ME1: variants seen among roughly 807,000 people sequenced by gnomAD.
ME1 encodes NADP-dependent malic enzyme.
ME1 carries 74 observed loss-of-function variants against 66.4 expected under a neutral mutation model. The ratio of observed to expected loss-of-function variants is 1.11; its 90% CI spans 0.92 to 1.35. The LOEUF is 1.35. Among genes scored for constraint, ME1 ranks in the 40% most tolerant of loss-of-function variants. The probability of loss-of-function intolerance (pLI) is 0.00; values close to 1 mark genes in which losing one functional copy is unlikely to be tolerated. For missense variants in ME1, 750 were observed against 694.1 expected, an observed-to-expected ratio of 1.08 and a Z score of -0.90; for synonymous variants, 251 against 235.6, an observed-to-expected ratio of 1.07 and a Z score of -0.60.
chr6:83,321,663 A>G (rs1768178233), intron 5 of ME1, among the ~76,000 whole-genome samples: 1 of 152,190 alleles, frequency 6.6e-6, no homozygotes, highest in Non-Finnish European at 1.5e-5. Flanking sequence ...AGGGTCTTAT[A>G]GATAAAACTC....
At chr6:83,417,135 G>A (rs573344428) in intron 1 of ME1, among the ~76,000 whole-genome samples, 22 of 152,096 alleles carry the variant, frequency 1.4e-4, no homozygotes, top group South Asian at 2.1e-4. Flanking sequence ...CTGCAGCCTC[G>A]AATTCCTGGG....
At chr6:83,260,415 G>T (rs778218998) in intron 6 of ME1, among the ~76,000 whole-genome samples, 19 of 152,020 alleles carry the variant, frequency 1.2e-4, no homozygotes, top group Non-Finnish European at 2.2e-4. Flanking sequence ...TTATTTTGTT[G>T]TTGTTTTTAA....
intron 5 of ME1, among the ~76,000 whole-genome samples, chr6:83,342,733 G>C (rs2128543318): frequency 6.6e-6 from 1 of 152,128 alleles, no homozygotes; most frequent in Admixed American, 6.5e-5. Flanking sequence ...TGTTGCCCAG[G>C]CTGGAGTGCA....
intron 1 of ME1, among the ~76,000 whole-genome samples, chr6:83,415,034 G>T (rs1770131909): frequency 6.6e-6 from 1 of 152,030 alleles, no homozygotes; most frequent in Non-Finnish European, 1.5e-5. Context: ...TAAACCACTG[G>T]TTGCCAATAG....
intron 9 of ME1, among the ~76,000 whole-genome samples, chr6:83,233,749 T>C (rs1009761500): frequency 2.0e-5 from 3 of 151,614 alleles, no homozygotes. Flanking sequence ...TTATTATTGG[T>C]TCTCAGGAGA....
chr6:83,424,543 A>T (rs1770332222), intron 1 of ME1, among the ~76,000 whole-genome samples: 1 of 152,184 alleles, frequency 6.6e-6, no homozygotes, highest in Non-Finnish European at 1.5e-5. Context: ...TAAACACAAA[A>T]ATCAAAAGAC....
intron 6 of ME1, among the ~76,000 whole-genome samples, chr6:83,277,080 A>G (rs1767196437): frequency 6.6e-6 from 1 of 152,244 alleles, no homozygotes; most frequent in African/African-American, 2.4e-5. Context: ...AGAAATATTT[A>G]ACAATTGATG....
chr6:83,285,629 A>G (rs554165272), intron 6 of ME1, among the ~76,000 whole-genome samples: 2 of 152,298 alleles, frequency 1.3e-5, no homozygotes, highest in African/African-American at 4.8e-5. Context: ...GACAGGGATA[A>G]AGAAAGGCAT....
chr6:83,314,791 T>C (rs1016869822), intron 6 of ME1, among the ~76,000 whole-genome samples: 10 of 152,330 alleles, frequency 6.6e-5, no homozygotes, highest in African/African-American at 2.4e-4. Flanking sequence ...TAATCAGAGA[T>C]GCATGGATCA....
chr6:83,357,070 T>C (rs1271607834), intron 3 of ME1, among the ~76,000 whole-genome samples: 2 of 152,236 alleles, frequency 1.3e-5, no homozygotes, highest in African/African-American at 4.8e-5. Flanking sequence ...TTTTATAGAA[T>C]GTCCCTCTAT....
chr6:83,213,246 G>A (rs1036322525), intron 13 of ME1, among the ~76,000 whole-genome samples: 1 of 151,486 alleles, frequency 6.6e-6, no homozygotes, highest in Non-Finnish European at 1.5e-5. Flanking sequence ...CCAACATGGA[G>A]AAACCCCATC....
intron 5 of ME1, 70 bp from the exon 6 acceptor site, chr6:83,315,483 C>T (rs1768014406): frequency 2.2e-6 from 2 of 920,030 alleles, no homozygotes; most frequent in Non-Finnish European, 1.7e-6. Flanking sequence ...TCAGTTTCTT[C>T]ATCTGTATAA....
intron 3 of ME1, among the ~76,000 whole-genome samples, chr6:83,374,493 A>T (rs1769251085): frequency 6.6e-6 from 1 of 152,126 alleles, no homozygotes. Context: ...AATTCTGGAT[A>T]TTAGACCTTT....
chr6:83,220,425 C>A (rs1790070238), intron 12 of ME1, among the ~76,000 whole-genome samples: 1 of 152,158 alleles, frequency 6.6e-6, no homozygotes, highest in Non-Finnish European at 1.5e-5. Context: ...GGGCTGATCA[C>A]CAGAGGTCCA....
intron 5 of ME1, among the ~76,000 whole-genome samples, chr6:83,342,734 C>T (rs1464384495): frequency 6.6e-6 from 1 of 152,090 alleles, no homozygotes; most frequent in Non-Finnish European, 1.5e-5. Context: ...GTTGCCCAGG[C>T]TGGAGTGCAA....
At chr6:83,227,814 C>G (rs1790226997) in intron 10 of ME1, among the ~76,000 whole-genome samples, 1 of 152,166 alleles carries the variant, frequency 6.6e-6, no homozygotes, top group African/African-American at 2.4e-5. Context: ...GAGTATATTT[C>G]AGTCTTGTCA....
At chr6:83,257,968 T>C (rs765941570) in intron 6 of ME1, among the ~76,000 whole-genome samples, 1 of 152,174 alleles carries the variant, frequency 6.6e-6, no homozygotes, top group Non-Finnish European at 1.5e-5. Flanking sequence ...TCTCAGTATG[T>C]GAGGAGGAAT....
intron 1 of ME1, among the ~76,000 whole-genome samples, chr6:83,413,164 G>T (rs1231194604): frequency 3.3e-5 from 5 of 152,134 alleles, no homozygotes; most frequent in African/African-American, 1.2e-4. Context: ...ATGCCACCAT[G>T]CTCAGCTAAT....
chr6:83,229,115 T>C, intron 9 of ME1, 184 bp from the exon 10 acceptor site: 1 of 612,042 alleles, frequency 1.6e-6, no homozygotes, highest in South Asian at 1.8e-5. Context: ...CAAATATTTA[T>C]ATGTCAATGT....
Sources: gnomAD v4.1 joint callset for allele counts (sites outside exome capture counted in the v4.1 genomes callset) on GRCh38, gnomAD v4.1.1 for gene constraint, MANE v1.5 for transcripts, NCBI Gene and HGNC (gene_info 2026-07-23, HGNC 2026-07-21) for gene names.